The following ASAP1 variants were observed in gnomAD, a reference collection of about 807,000 sequenced individuals.
The protein encoded by ASAP1 is ArfGAP with SH3 domain, ankyrin repeat and PH domain 1, also known as arf-GAP with SH3 domain, ANK repeat and PH domain-containing protein 1.
A neutral mutation model predicts 145.2 loss-of-function variants in ASAP1; 43 were observed. The observed-to-expected ratio is 0.30, with a 90% CI of 0.23 to 0.38. ASAP1 has a LOEUF of 0.38. Among genes scored for constraint, ASAP1 ranks in the 10% least tolerant of loss-of-function variants. The pLI is 1.00. For missense variants in ASAP1, 1,018 were observed against 1,355.3 expected, an observed-to-expected ratio of 0.75 and a Z score of 3.91; for synonymous variants, 546 against 515.5, an observed-to-expected ratio of 1.06 and a Z score of -0.80.
chr8:130,261,481 A>T (rs1473255774), intron 3 of ASAP1, among the ~76,000 whole-genome samples: 1 of 152,112 alleles, frequency 6.6e-6, no homozygotes, highest in African/African-American at 2.4e-5. Context: ...GGGTGGTGGG[A>T]GGCTCGGAAA....
At chr8:130,423,799 G>T (rs1829812030) in intron 1 of ASAP1, among the ~76,000 whole-genome samples, 1 of 151,892 alleles carries the variant, frequency 6.6e-6, no homozygotes, top group Non-Finnish European at 1.5e-5. Context: ...ATCTTTTCTT[G>T]TTCTTTCTGA....
intron 3 of ASAP1, among the ~76,000 whole-genome samples, chr8:130,315,024 C>T (rs114104989): frequency 6.1e-4 from 93 of 152,264 alleles, no homozygotes; most frequent in African/African-American, 2.0e-3. Flanking sequence ...TGTCTGCTCC[C>T]GTCACAATTT....
intron 18 of ASAP1, among the ~76,000 whole-genome samples, chr8:130,120,116 C>A (rs1443107754): frequency 6.6e-6 from 1 of 152,152 alleles, no homozygotes; most frequent in Non-Finnish European, 1.5e-5. Flanking sequence ...TGAGAAGAGA[C>A]CAACTGATTC....
rs58327713 is a variant in ASAP1, at chr8:130,077,537, C to CTTT, written c.2643-1134_2643-1132dup. Among the ~76,000 whole-genome samples, 70 of 62,068 alleles carry CTTT rather than the reference C, an allele frequency of 1.1e-3. 3 individuals are homozygous for CTTT. Among genetic ancestry groups the CTTT allele is most frequent in the Non-Finnish European group, 1.4e-3 (52 of 36,054 alleles). 40.7% of individuals were successfully genotyped at this position (62,068 alleles called of 152,430 possible). On this transcript the variant is annotated intron_variant, in intron 26 of 29. Coordinates refer to ENST00000518721, the MANE Select transcript of ASAP1 (RefSeq NM_018482.4). ...TAAGAGTTGGTTGCTGCTGCTGCTGCTTTTTTTTTTTTTTTTTTTTTTTTT... is the reference window on the plus strand; with the variant it reads ...TAAGAGTTGGTTGCTGCTGCTGCTGCTTTTTTTTTTTTTTTTTTTTTTTTTTTT...
intron 5 of ASAP1, among the ~76,000 whole-genome samples, chr8:130,191,937 TCA>T (rs879788416): frequency 1.3e-5 from 2 of 152,210 alleles, no homozygotes; most frequent in Non-Finnish European, 1.5e-5. Context: ...CTTGAAATTC[TCA>T]GTCATTCTAC....
chr8:130,265,251 T>C (rs1820170895), intron 3 of ASAP1, among the ~76,000 whole-genome samples: 1 of 152,064 alleles, frequency 6.6e-6, no homozygotes, highest in East Asian at 1.9e-4. Flanking sequence ...GGGTGTCCCA[T>C]CATACTTTCC....
chr8:130,085,301 C>A (rs2097490178), intron 25 of ASAP1, among the ~76,000 whole-genome samples: 1 of 152,164 alleles, frequency 6.6e-6, no homozygotes, highest in African/African-American at 2.4e-5. Flanking sequence ...CTGTATGTGA[C>A]TTTTTGTTAC....
chr8:130,391,556 TG>T (rs1828285136), intron 2 of ASAP1, among the ~76,000 whole-genome samples: 1 of 152,078 alleles, frequency 6.6e-6, no homozygotes, highest in Admixed American at 6.5e-5. Flanking sequence ...AAAATAGCTT[TG>T]GAAAAACTTT....
chr8:130,133,860 C>G (rs2097587964), intron 15 of ASAP1, among the ~76,000 whole-genome samples: 1 of 152,154 alleles, frequency 6.6e-6, no homozygotes, highest in Admixed American at 6.5e-5. Flanking sequence ...GTCAAGTGCC[C>G]AGGTAGGCTG....
intron 20 of ASAP1, among the ~76,000 whole-genome samples, 170 bp downstream of exon 20, chr8:130,117,991 G>A (rs988710910): frequency 5.3e-5 from 8 of 152,116 alleles, no homozygotes; most frequent in Non-Finnish European, 7.4e-5. Flanking sequence ...TGGCAGAAGT[G>A]AATAGCTCTG....
At chr8:130,079,150 A>C (rs1261718260) in intron 26 of ASAP1, among the ~76,000 whole-genome samples, 6 of 152,204 alleles carry the variant, frequency 3.9e-5, no homozygotes, top group Admixed American at 1.3e-4. Context: ...AGCTGTGCTC[A>C]TACCACTGCA....
At chr8:130,327,343 C>G (rs1466197540) in intron 3 of ASAP1, among the ~76,000 whole-genome samples, 1 of 152,168 alleles carries the variant, frequency 6.6e-6, no homozygotes, top group Non-Finnish European at 1.5e-5. Flanking sequence ...ATTCCCTGAA[C>G]AGCTCCAACT....
intron 2 of ASAP1, among the ~76,000 whole-genome samples, chr8:130,362,717 C>T (rs778267524): frequency 2.0e-5 from 3 of 152,140 alleles, no homozygotes; most frequent in East Asian, 1.9e-4. Context: ...TCAGAGACCT[C>T]GCTTATTTTC....
At chr8:130,349,009 T>C (rs1236369915) in intron 3 of ASAP1, among the ~76,000 whole-genome samples, 1 of 152,096 alleles carries the variant, frequency 6.6e-6, no homozygotes, top group Non-Finnish European at 1.5e-5. Context: ...GGCAGAAAGA[T>C]TATAGCAGTG....
At chr8:130,347,709 C>T (rs139951615) in intron 3 of ASAP1, among the ~76,000 whole-genome samples, 91 of 152,294 alleles carry the variant, frequency 6.0e-4, no homozygotes, top group African/African-American at 2.2e-3. Context: ...CCAAGTGGAG[C>T]CAATCCAATC....
At chr8:130,326,469 G>C (rs1355836405) in intron 3 of ASAP1, among the ~76,000 whole-genome samples, 1 of 152,186 alleles carries the variant, frequency 6.6e-6, no homozygotes, top group Non-Finnish European at 1.5e-5. Flanking sequence ...TAAAATACAG[G>C]TTTCAATACA....
chr8:130,347,019 AAGTAAAGCCATTAGTCCTCACTGG>A (rs1368236290), intron 3 of ASAP1, among the ~76,000 whole-genome samples: 2 of 152,212 alleles, frequency 1.3e-5, no homozygotes, highest in East Asian at 3.8e-4. Flanking sequence ...CGTTCAATGG[AAGTAAAGCCATTAGTCCTCACTGG>A]ACCTTTAAGC....
chr8:130,115,621 C>A lies in ASAP1; in HGVS notation c.2172+7G>T. On this transcript the variant is annotated splice_region_variant and intron_variant, in intron 23 of 29. Coordinates refer to ENST00000518721, the MANE Select transcript of ASAP1 (RefSeq NM_018482.4). ...GTTGAGAATTCGAGGACATAATTTA[C>A]ACTCACTTTGTCATCCAGATCATCA... The A allele has an allele frequency of 6.2e-7, 1 of 1,605,174 alleles. No homozygotes were observed. Among genetic ancestry groups the A allele is most frequent in the Non-Finnish European group, 8.5e-7 (1 of 1,172,220 alleles).
At chr8:130,207,285 G>A (rs1648256213) in intron 5 of ASAP1, among the ~76,000 whole-genome samples, 1 of 152,190 alleles carries the variant, frequency 6.6e-6, no homozygotes, top group African/African-American at 2.4e-5. Flanking sequence ...TCTTTAATGA[G>A]AGGAAGGATA....
Sources: gnomAD v4.1 joint callset for allele counts (sites outside exome capture counted in the v4.1 genomes callset) on GRCh38, gnomAD v4.1.1 for gene constraint, MANE v1.5 for transcripts, NCBI Gene and HGNC (gene_info 2026-07-23, HGNC 2026-07-21) for gene names.